Variants in KHDRBS2 observed in about 807,000 individuals in gnomAD.
KHDRBS2 encodes the protein KH domain-containing, RNA-binding, signal transduction-associated protein 2.
In KHDRBS2, 26 loss-of-function variants were observed where a neutral mutation model predicts 44.3. The ratio of observed to expected loss-of-function variants is 0.59; its 90% confidence interval spans 0.43 to 0.81. The LOEUF (loss-of-function observed/expected upper bound fraction) is 0.81, where lower values mean the gene tolerates loss of function less well. Among genes scored for constraint, KHDRBS2 ranks in the 40% least tolerant of loss-of-function variants. The pLI is 0.00. For synonymous variants in KHDRBS2, 194 were observed against 151.1 expected (o/e 1.28, Z -2.08); for missense variants, 476 against 433.1 (o/e 1.10, Z -0.88).
intron 4 of KHDRBS2, among the ~76,000 whole-genome samples, chr6:61,977,211 A>G (rs1259164336): frequency 1.3e-5 from 2 of 152,030 alleles, no homozygotes; most frequent in African/African-American, 4.8e-5. Flanking sequence ...GTGCAGATCT[A>G]TCTTAGCTGT....
the KHDRBS2 span, among the ~76,000 whole-genome samples, chr6:61,657,278 G>A: frequency 4.6e-5 from 7 of 151,974 alleles, no homozygotes; most frequent in African/African-American, 1.7e-4. Flanking sequence ...ATTTTCAAAA[G>A]TAGAACAATG....
At chr6:61,616,470 C>CATATATATAT in the KHDRBS2 span, among the ~76,000 whole-genome samples, 3 of 145,070 alleles carry the variant, frequency 2.1e-5, no homozygotes, top group African/African-American at 5.1e-5. Context: ...AAAGAATATA[C>CATATATATAT]ATATATATAT....
chr6:61,920,525 TTAAAAAA>T (rs1807886218), intron 4 of KHDRBS2, among the ~76,000 whole-genome samples: 1 of 151,930 alleles, frequency 6.6e-6, no homozygotes, highest in Admixed American at 6.6e-5. Flanking sequence ...AGAATTTTAG[TTAAAAAA>T]TAAATCATGA....
chr6:61,870,932 A>T (rs1424936414), intron 6 of KHDRBS2, among the ~76,000 whole-genome samples: 7 of 152,206 alleles, frequency 4.6e-5, no homozygotes, highest in Non-Finnish European at 5.9e-5. Context: ...AAATTCCAAA[A>T]ACCAGAATGC....
At chr6:62,250,497 A>G (rs1436538665) in intron 1 of KHDRBS2, among the ~76,000 whole-genome samples, 1 of 152,044 alleles carries the variant, frequency 6.6e-6, no homozygotes, top group Non-Finnish European at 1.5e-5. Context: ...ATCAAAAGAA[A>G]GGCAGGAAGT....
the KHDRBS2 span, among the ~76,000 whole-genome samples, chr6:61,545,820 A>G: frequency 1.3e-5 from 2 of 152,024 alleles, no homozygotes; most frequent in Non-Finnish European, 2.9e-5. Context: ...GTGGTTTTAT[A>G]AGCAGTGACA....
At chr6:61,574,341 G>C in the KHDRBS2 span, 1 of 1,528,610 alleles carries the variant, frequency 6.5e-7, no homozygotes, top group Non-Finnish European at 8.8e-7. Context: ...GCTCGACGAG[G>C]TTTCAGCTGT....
At chr6:61,752,362 C>G (rs1359312317) in intron 6 of KHDRBS2, among the ~76,000 whole-genome samples, 1 of 152,106 alleles carries the variant, frequency 6.6e-6, no homozygotes, top group African/African-American at 2.4e-5. Context: ...CAAGATCTCA[C>G]AGATTCATAA....
chr6:61,842,408 T>C (rs539346025), intron 6 of KHDRBS2, among the ~76,000 whole-genome samples: 95 of 152,326 alleles, frequency 6.2e-4, no homozygotes, highest in African/African-American at 2.2e-3. Context: ...TCACAGTCTA[T>C]ATTACCTTTG....
chr6:62,168,692 T>G lies in KHDRBS2; in HGVS notation c.219+8493A>C, dbSNP rs116144667. Among the ~76,000 whole-genome samples the G allele has an allele frequency of 4.4e-3, 671 of 152,244 alleles. 7 individuals are homozygous for G. Among genetic ancestry groups the G allele is most frequent in the African/African-American group, 0.015 (635 of 41,558 alleles). On this transcript the variant is annotated intron_variant, in intron 2 of 8. Transcript: ENST00000281156. ...AATATCAACTTTATACCCTAAGCTA[T>G]GTGTTTATTCTTTTGGTATCTGTAA...
At chr6:61,940,658 C>T (rs779383775) in intron 4 of KHDRBS2, among the ~76,000 whole-genome samples, 1 of 152,156 alleles carries the variant, frequency 6.6e-6, no homozygotes, top group Non-Finnish European at 1.5e-5. Context: ...TAGAGCCCTG[C>T]ACCCAATGGA....
chr6:62,261,431 G>A (rs1276506426), intron 1 of KHDRBS2, among the ~76,000 whole-genome samples: 2 of 151,744 alleles, frequency 1.3e-5, no homozygotes, highest in Non-Finnish European at 2.9e-5. Flanking sequence ...TTTATAACAT[G>A]AGCCATGCAT....
intron 6 of KHDRBS2, among the ~76,000 whole-genome samples, chr6:61,872,101 G>A (rs1315776467): frequency 6.6e-6 from 1 of 152,050 alleles, no homozygotes; most frequent in Non-Finnish European, 1.5e-5. Flanking sequence ...ATAAAAAAAA[G>A]AAAGAAAATA....
At chr6:61,855,414 G>T (rs1796003748) in intron 6 of KHDRBS2, among the ~76,000 whole-genome samples, 1 of 151,650 alleles carries the variant, frequency 6.6e-6, no homozygotes, top group African/African-American at 2.4e-5. Context: ...TTTTCCATCT[G>T]TAAAATGGTA....
rs1259476923 is a variant in KHDRBS2 at position 61,848,492 on chromosome 6, T to C, written c.810+46143A>G. ...TTTTATATATATATATATATATATG[T>C]ATATATATATATATATATGTATATA... On this transcript the variant is annotated intron_variant, in intron 6 of 8. Transcript: ENST00000281156. Among the ~76,000 whole-genome samples, 105 of 30,132 alleles carry C rather than the reference T, an allele frequency of 3.5e-3. 5 individuals carry two copies. The highest frequency in any genetic ancestry group is 0.018 in the African/African-American group (90 of 5,116). The allele number at this position is 30,132 out of a possible 152,430, so 19.8% of individuals were successfully genotyped here.
At chr6:61,899,421 T>A (rs1266767824) in intron 5 of KHDRBS2, among the ~76,000 whole-genome samples, 1 of 151,960 alleles carries the variant, frequency 6.6e-6, no homozygotes. Context: ...TAATTTTTAA[T>A]GCTAATTTTC....
intron 1 of KHDRBS2, among the ~76,000 whole-genome samples, chr6:62,214,282 A>T (rs904297968): frequency 2.0e-5 from 3 of 152,164 alleles, no homozygotes; most frequent in Admixed American, 6.5e-5. Context: ...ACAGGAAAGG[A>T]TTATATATCA....
At chr6:61,641,669 A>T in the KHDRBS2 span, among the ~76,000 whole-genome samples, 1 of 152,166 alleles carries the variant, frequency 6.6e-6, no homozygotes, top group East Asian at 1.9e-4. Flanking sequence ...TCTCTGGTCA[A>T]CCATAAGCTC....
chr6:61,582,303 C>CA, the KHDRBS2 span, among the ~76,000 whole-genome samples: 2 of 151,282 alleles, frequency 1.3e-5, no homozygotes, highest in South Asian at 2.1e-4. Flanking sequence ...ATGATACAAG[C>CA]AAAAAAGCCT....
Sources: gnomAD v4.1 joint callset for allele counts (sites outside exome capture counted in the v4.1 genomes callset) on GRCh38, gnomAD v4.1.1 for gene constraint, MANE v1.5 for transcripts, NCBI Gene and HGNC (gene_info 2026-07-23, HGNC 2026-07-21) for gene names.